PSD3: variants seen among roughly 807,000 people sequenced by gnomAD.
PSD3 encodes the protein pleckstrin and Sec7 domain containing 3, also known as PH and SEC7 domain-containing protein 3.
In PSD3, 49 loss-of-function variants were observed where a neutral mutation model predicts 105.5. The ratio of observed to expected loss-of-function variants is 0.46; its 90% CI spans 0.37 to 0.59. The LOEUF (loss-of-function observed/expected upper bound fraction) is 0.59, where lower values mean the gene tolerates loss of function less well. Ranked by LOEUF, PSD3 falls within the 20% of genes least tolerant of loss-of-function variation. PSD3 has a pLI of 0.00. For missense variants in PSD3, 1,561 were observed against 1,263.8 expected (o/e 1.24, Z -3.57); for synonymous variants, 557 against 457.8 (o/e 1.22, Z -2.77).
chr8:18,626,249 T>C (rs973224048), intron 11 of PSD3, among the ~76,000 whole-genome samples: 4 of 150,906 alleles, frequency 2.7e-5, no homozygotes, highest in Non-Finnish European at 5.9e-5. Flanking sequence ...TTAAAGTTAA[T>C]TAAAAAAAAA....
chr8:18,722,644 T>G (rs1267836564), intron 9 of PSD3, among the ~76,000 whole-genome samples: 1 of 152,192 alleles, frequency 6.6e-6, no homozygotes, highest in Admixed American at 6.5e-5. Flanking sequence ...GATGTCAATC[T>G]CATTTCCAAA....
chr8:18,673,468 C>G (rs1462583659), intron 9 of PSD3, among the ~76,000 whole-genome samples: 4 of 152,160 alleles, frequency 2.6e-5, no homozygotes, highest in Admixed American at 1.3e-4. Flanking sequence ...CAACTTCACA[C>G]CCTCCAGCAG....
intron 1 of PSD3, among the ~76,000 whole-genome samples, chr8:18,953,332 G>C (rs1048772254): frequency 2.7e-5 from 4 of 147,898 alleles, no homozygotes; most frequent in Admixed American, 1.4e-4. Flanking sequence ...GTGTGTGTGT[G>C]TATGTACATA....
intron 9 of PSD3, among the ~76,000 whole-genome samples, chr8:18,716,402 A>G (rs1215760200): frequency 6.6e-6 from 1 of 152,154 alleles, no homozygotes; most frequent in African/African-American, 2.4e-5. Context: ...TGAAAACACA[A>G]CATTCTTGCA....
chr8:18,536,572 C>A (rs1316426983), intron 15 of PSD3, among the ~76,000 whole-genome samples: 1 of 152,186 alleles, frequency 6.6e-6, no homozygotes, highest in African/African-American at 2.4e-5. Flanking sequence ...TTATTATGAA[C>A]AGGTGCTGCT....
At chr8:18,591,005 C>A (rs774947335) in intron 12 of PSD3, among the ~76,000 whole-genome samples, 1 of 152,120 alleles carries the variant, frequency 6.6e-6, no homozygotes, top group Non-Finnish European at 1.5e-5. Context: ...GTTAGCAAGA[C>A]AGCAGAATAG....
chr8:19,021,265 G>A (rs1254685280), intron 1 of PSD3, among the ~76,000 whole-genome samples: 1 of 152,172 alleles, frequency 6.6e-6, no homozygotes, highest in African/African-American at 2.4e-5. Context: ...AATCAGCAGT[G>A]TCTGCGTTCT....
intron 9 of PSD3, among the ~76,000 whole-genome samples, chr8:18,760,767 A>G (rs894399581): frequency 6.6e-6 from 1 of 152,212 alleles, no homozygotes; most frequent in Non-Finnish European, 1.5e-5. Context: ...TCAGCCGCTG[A>G]TAAGACTGGG....
rs1203930213 is a variant in PSD3 at position 18,872,695 on chromosome 8, T to A, written c.169A>T (p.Thr57Ser). The A allele has an allele frequency of 6.3e-7, 1 of 1,583,910 alleles. No homozygotes were observed. The highest frequency in any genetic ancestry group is 1.2e-5 in the South Asian group (1 of 85,122). The change falls in exon 3 of 16, where the codon ACA becomes TCA. Residue 57 changes from threonine (T) to serine (S), a missense_variant. By Grantham distance (58) the Thr-to-Ser change is moderately conservative. Coordinates refer to ENST00000327040, the MANE Select transcript of PSD3 (RefSeq NM_015310.4). ...GGSTLLPPNV[T>S]NEFPEYGTME... is the part of the protein sequence containing the mutation. ...GTCCCATATTCTGGAAATTCATTTG[T>A]GACATTTGGTGGGAGTAAAGTGCTT...
intron 9 of PSD3, among the ~76,000 whole-genome samples, chr8:18,706,232 T>C (rs1330025849): frequency 1.3e-5 from 2 of 152,198 alleles, no homozygotes; most frequent in African/African-American, 2.4e-5. Flanking sequence ...TGAATACCTG[T>C]TTCAACCCAT....
chr8:18,927,713 G>A (rs1256236855), intron 2 of PSD3, among the ~76,000 whole-genome samples: 1 of 152,160 alleles, frequency 6.6e-6, no homozygotes, highest in Non-Finnish European at 1.5e-5. Flanking sequence ...CAATCCCGCT[G>A]TGTCCTTCTG....
intron 1 of PSD3, among the ~76,000 whole-genome samples, chr8:18,960,319 G>C (rs945519171): frequency 2.0e-5 from 3 of 152,162 alleles, no homozygotes; most frequent in Non-Finnish European, 4.4e-5. Context: ...CCAAAGAAGT[G>C]TCTTCTGAAG....
intron 1 of PSD3, among the ~76,000 whole-genome samples, chr8:18,946,267 C>T (rs1373845671): frequency 6.6e-6 from 1 of 152,092 alleles, no homozygotes; most frequent in Non-Finnish European, 1.5e-5. Context: ...GCATGTGTAG[C>T]ATTTTTTTCC....
intron 8 of PSD3, among the ~76,000 whole-genome samples, chr8:18,773,619 C>T (rs1163661260): frequency 1.3e-5 from 2 of 151,984 alleles, no homozygotes; most frequent in African/African-American, 2.4e-5. Flanking sequence ...GAAATATTTT[C>T]CCTTTTATTT....
intron 4 of PSD3, chr8:18,854,303 T>C (rs1815829155): frequency 6.5e-6 from 1 of 152,770 alleles, no homozygotes; most frequent in Admixed American, 6.5e-5. Context: ...GGCTCAGGGA[T>C]ACGAACTTGA....
chr8:18,606,521 G>T (rs1194525418), intron 11 of PSD3, among the ~76,000 whole-genome samples: 1 of 152,104 alleles, frequency 6.6e-6, no homozygotes, highest in Non-Finnish European at 1.5e-5. Flanking sequence ...GAATCTGTAG[G>T]CCATCACATT....
intron 9 of PSD3, among the ~76,000 whole-genome samples, chr8:18,740,687 A>C (rs1804500161): frequency 1.3e-5 from 2 of 152,206 alleles, no homozygotes; most frequent in East Asian, 3.8e-4. Context: ...ATCTCAGTGA[A>C]ATGACCCTAC....
At chr8:19,038,727 G>T (rs1828027397) in intron 1 of PSD3, among the ~76,000 whole-genome samples, 1 of 152,168 alleles carries the variant, frequency 6.6e-6, no homozygotes, top group South Asian at 2.1e-4. Flanking sequence ...CTCCGAAGGT[G>T]CTGTGAAGGT....
At chr8:18,846,215 A>G (rs761642848) in intron 4 of PSD3, among the ~76,000 whole-genome samples, 3 of 152,202 alleles carry the variant, frequency 2.0e-5, no homozygotes, top group Non-Finnish European at 2.9e-5. Flanking sequence ...TTTGATTGTG[A>G]TATCATTACC....
Sources: gnomAD v4.1 joint callset for allele counts (sites outside exome capture counted in the v4.1 genomes callset) on GRCh38, gnomAD v4.1.1 for gene constraint, MANE v1.5 for transcripts, NCBI Gene and HGNC (gene_info 2026-07-23, HGNC 2026-07-21) for gene names.